CTU1: variants seen among roughly 807,000 people sequenced by gnomAD.
CTU1 encodes cytoplasmic tRNA 2-thiolation protein 1.
CTU1 carries 15 observed loss-of-function variants against 12.9 expected under a neutral mutation model. That is an observed-to-expected ratio of 1.16 (90% confidence interval 0.78 to 1.79). The LOEUF is 1.79. Among genes scored for constraint, CTU1 ranks in the 40% most tolerant of loss-of-function variants. CTU1 has a pLI of 0.00. For missense variants in CTU1, 553 were observed against 550.5 expected, an observed-to-expected ratio of 1.00 and a Z score of -0.05; for synonymous variants, 295 against 275.6, an observed-to-expected ratio of 1.07 and a Z score of -0.70.
chr19:51,101,734 T>A (rs559628554), intron 2 of CTU1, among the ~76,000 whole-genome samples: 1 of 152,334 alleles, frequency 6.6e-6, no homozygotes, highest in Admixed American at 6.5e-5. Context: ...TCTCGTTGAA[T>A]GTTTATTGAC....
At chr19:51,101,942 T>C (rs1437477978) in intron 2 of CTU1, among the ~76,000 whole-genome samples, 1 of 152,170 alleles carries the variant, frequency 6.6e-6, no homozygotes, top group Non-Finnish European at 1.5e-5. Context: ...TTCATTACTT[T>C]TGGAAGTACA....
At chr19:51,106,002 G>A (rs1427609346) in intron 1 of CTU1, among the ~76,000 whole-genome samples, 1 of 152,166 alleles carries the variant, frequency 6.6e-6, no homozygotes, top group Non-Finnish European at 1.5e-5. Flanking sequence ...GCTGCATGGG[G>A]CTCCCCACAG....
Position 51,098,398 on chromosome 19 carries a change from G to T in CTU1, c.*203C>A. 2.5e-6 allele frequency: 1 copy of T among 405,354 alleles called. No homozygotes were observed. The highest frequency in any genetic ancestry group is 4.1e-6 in the Non-Finnish European group (1 of 246,680). The allele number at this position is 405,354 out of a possible 1,614,324, so 25.1% of individuals were successfully genotyped here. A position where few individuals can be genotyped will look rare whatever the true frequency, so the allele number is the denominator to read the frequency against. ...TCCCCCAGCCCCCTCCTCCCTCAGAGCCTGAAGCCCAGTTCGAGACCCTTC... is the reference window on the plus strand; with the variant it reads ...TCCCCCAGCCCCCTCCTCCCTCAGATCCTGAAGCCCAGTTCGAGACCCTTC... On this transcript the variant is annotated 3_prime_UTR_variant, in exon 3 of 3. Coordinates refer to ENST00000421832, the MANE Select transcript of CTU1 (RefSeq NM_145232.4). This position sits in a 1 kb window ranked among gnomAD's most constrained non-coding sequence, Gnocchi z 4.3.
intron 2 of CTU1, among the ~76,000 whole-genome samples, chr19:51,100,718 G>T (rs1191500426): frequency 1.3e-5 from 2 of 152,176 alleles, no homozygotes; most frequent in African/African-American, 4.8e-5. Context: ...CCAGGAGAAA[G>T]GCAGCACTCT....
Position 51,104,587 on chromosome 19 carries a change from TCTC to T in CTU1, c.-21_-19del, listed in dbSNP as rs1158673677. The stretch of plus-strand genomic sequence containing the variant: ...GCGGGCATTGCGGGAGGGGTCGGCT[TCTC>T]CTAGACAGGGAGAGAGAGGAGGTGG... On this transcript the variant is annotated splice_region_variant and 5_prime_UTR_variant, in exon 2 of 3. Coordinates refer to ENST00000421832, the MANE Select transcript of CTU1 (RefSeq NM_145232.4). 4 of 1,241,252 alleles carry T rather than the reference TCTC, an allele frequency of 3.2e-6. No individual in the cohort carries two copies. The highest frequency in any genetic ancestry group is 4.2e-5 in the Admixed American group (1 of 23,632). 76.9% of individuals were successfully genotyped at this position (1,241,252 alleles called of 1,614,324 possible).
At chr19:51,100,133 C>T (rs1340109011) in intron 2 of CTU1, among the ~76,000 whole-genome samples, 1 of 152,068 alleles carries the variant, frequency 6.6e-6, no homozygotes, top group Non-Finnish European at 1.5e-5. Context: ...CACTGTGGTG[C>T]AGCTAGGTGG....
At position 51,098,941 on chromosome 19, in the gene CTU1, T is replaced by G. The variant is rs2091899579; in HGVS notation, c.707A>C (p.Glu236Ala). The G allele has an allele frequency of 1.3e-6, 2 of 1,540,570 alleles. No homozygotes were observed. The highest frequency in any genetic ancestry group is 1.7e-6 in the Non-Finnish European group (2 of 1,149,084). Residue 236 changes from glutamate (E) to alanine (A), a missense_variant, in exon 3 of 3, where the codon GAG (glutamate) becomes GCG (alanine). Glu to Ala is a moderately radical substitution (Grantham distance 107). Coordinates refer to ENST00000421832, the MANE Select transcript of CTU1 (RefSeq NM_145232.4). This position sits in a 1 kb window ranked among gnomAD's most constrained non-coding sequence, Gnocchi z 4.3. ...HFRRLDYFSE[E>A]CVYAPEAFRG... ...GAAGGCCTCGGGCGCGTAGACGCAC[T>G]CCTCGGAGAAGTAGTCGAGGCGGCG...
chr19:51,100,689 C>A (rs1743520552), intron 2 of CTU1, among the ~76,000 whole-genome samples: 2 of 152,170 alleles, frequency 1.3e-5, no homozygotes, highest in Admixed American at 6.5e-5. Flanking sequence ...AGGAAATGGA[C>A]CCCCTTGCCC....
intron 2 of CTU1, among the ~76,000 whole-genome samples, chr19:51,103,578 C>G (rs2122795586): frequency 1.0e-5 from 1 of 99,518 alleles, no homozygotes; most frequent in Non-Finnish European, 2.0e-5. Context: ...GAGCGAGACT[C>G]TGTCTCAAAA....
intron 1 of CTU1, among the ~76,000 whole-genome samples, chr19:51,106,949 G>A (rs190498878): frequency 2.0e-5 from 3 of 152,260 alleles, no homozygotes; most frequent in Admixed American, 1.3e-4. Flanking sequence ...TTCCTCGAAA[G>A]GCAGAAACCT....
rs963431157 is a variant in CTU1 at position 51,101,198 on chromosome 19, G to A, written c.509-2059C>T. ...TGAGCTCAAGTGATCCACCTGCCTC[G>A]GCCTCCCAAAGCGGCTGGGATTACT... On this transcript the variant is annotated intron_variant, in intron 2 of 2. Transcript: ENST00000421832. Among the ~76,000 whole-genome samples, 4 of 152,156 alleles carry A rather than the reference G, an allele frequency of 2.6e-5. No individual in the cohort carries two copies. The South Asian group carries it at 6.2e-4, about 24-fold the overall frequency.
Position 51,104,489 on chromosome 19 carries a change from A to G in CTU1, c.81T>C (p.Gly27=). The G allele has an allele frequency of 7.6e-7, 1 of 1,315,898 alleles. No homozygotes were observed. 81.5% of individuals were successfully genotyped at this position (1,315,898 alleles called of 1,614,324 possible). Residue 27 remains glycine, a synonymous_variant, in exon 2 of 3, where the codon GGT becomes GGC. Transcript: ENST00000421832. Reference sequence around the variant, plus strand: ...CCTCGAAGGCGGCGCAGAAGCAGGCACCGCACAGCGCTTGGCCCGAGAGCG... The same window carrying G: ...CCTCGAAGGCGGCGCAGAAGCAGGCGCCGCACAGCGCTTGGCCCGAGAGCG... ...RRPLSGQALC[G]ACFCAAFEAE...
intron 2 of CTU1, among the ~76,000 whole-genome samples, chr19:51,099,424 C>T (rs2091901908): frequency 6.6e-6 from 1 of 151,892 alleles, no homozygotes; most frequent in Admixed American, 6.6e-5. Context: ...GCAACCAGGA[C>T]GCAGAGAGAG....
rs1264531049 is a variant in CTU1 at position 51,098,966 on chromosome 19, G to A, written c.682C>T (p.Arg228Cys). The change falls in exon 3 of 3, where the codon CGC becomes TGC. Residue 228 changes from arginine to cysteine, a missense_variant. Arg to Cys is a radical substitution (Grantham distance 180). Coordinates refer to ENST00000421832, the MANE Select transcript of CTU1 (RefSeq NM_145232.4). This position sits in a 1 kb window ranked among gnomAD's most constrained non-coding sequence, Gnocchi z 4.3. ...TCCTCGGAGAAGTAGTCGAGGCGGCGGAAGTGCGCGTACAGCACCACCTCC... is the reference window on the plus strand; with the variant it reads ...TCCTCGGAGAAGTAGTCGAGGCGGCAGAAGTGCGCGTACAGCACCACCTCC... ...QKEVVLYAHF[R>C]RLDYFSEECV... 1.9e-6 allele frequency: 3 copies of A among 1,543,810 alleles called. No homozygotes were observed. Among genetic ancestry groups the A allele is most frequent in the East Asian group, 2.5e-5 (1 of 40,240 alleles).
At chr19:51,101,463 G>T (rs1040843356) in intron 2 of CTU1, among the ~76,000 whole-genome samples, 1 of 152,106 alleles carries the variant, frequency 6.6e-6, no homozygotes, top group African/African-American at 2.4e-5. Context: ...TCAGGTTGGG[G>T]GTGGGGCACT....
intron 1 of CTU1, among the ~76,000 whole-genome samples, chr19:51,105,803 T>C (rs1343101404): frequency 6.6e-6 from 1 of 152,320 alleles, no homozygotes; most frequent in East Asian, 1.9e-4. Flanking sequence ...GGACTGCTCT[T>C]TCTCTCACTG....
chr19:51,098,336 T>C lies in CTU1; in HGVS notation c.*265A>G, dbSNP rs1372805738. On this transcript the variant is annotated 3_prime_UTR_variant, in exon 3 of 3. Coordinates refer to ENST00000421832, the MANE Select transcript of CTU1 (RefSeq NM_145232.4). This position sits in a 1 kb window ranked among gnomAD's most constrained non-coding sequence, Gnocchi z 4.3. ...GTCCCCAGTCCCACTTCTTCTAGGC[T>C]TAGTCCTGGCCCTCTCCTCTCTCAG... The C allele has an allele frequency of 1.5e-5, 4 of 263,586 alleles. No individual in the cohort carries two copies. Among genetic ancestry groups the C allele is most frequent in the Admixed American group, 5.5e-5 (1 of 18,258 alleles). 16.3% of individuals were successfully genotyped at this position (263,586 alleles called of 1,614,324 possible).
chr19:51,104,322 T>G lies in CTU1; in HGVS notation c.248A>C (p.Gln83Pro), dbSNP rs2091914574. Residue 83 changes from glutamine to proline, a missense_variant, in exon 2 of 3, where the codon CAG (glutamine) becomes CCG (proline). Gln to Pro is a moderately conservative substitution (Grantham distance 76). Transcript: ENST00000421832. ...ALAPRLGISL[Q>P]LVAVDEGIGG... Reference sequence around the variant, plus strand: ...GATGCCCTCATCGACGGCCACGAGCTGCAGTGAGATGCCCAGGCGCGGCGC... The same window carrying G: ...GATGCCCTCATCGACGGCCACGAGCGGCAGTGAGATGCCCAGGCGCGGCGC... 12 of 1,484,604 alleles carry G rather than the reference T, an allele frequency of 8.1e-6. No homozygotes were observed. The highest frequency in any genetic ancestry group is 9.8e-6 in the Non-Finnish European group (11 of 1,122,224). The allele number at this position is 1,484,604 out of a possible 1,614,324, so 92.0% of individuals were successfully genotyped here.
chr19:51,098,564 C>T lies in CTU1; in HGVS notation c.*37G>A, dbSNP rs2091897055. ...AGTGTCATTTACAGGCAGCCCCCAC[C>T]CCGCGGCATCAGATCCCGGCGGGAG... On this transcript the variant is annotated 3_prime_UTR_variant, in exon 3 of 3. Coordinates refer to ENST00000421832, the MANE Select transcript of CTU1 (RefSeq NM_145232.4). The surrounding 1 kb of genome is among the most constrained non-coding windows in gnomAD (Gnocchi z 4.3). The T allele has an allele frequency of 4.0e-6, 5 of 1,245,268 alleles. No individual in the cohort carries two copies. The highest frequency in any genetic ancestry group is 5.0e-6 in the Non-Finnish European group (5 of 991,050). 77.1% of individuals were successfully genotyped at this position (1,245,268 alleles called of 1,614,324 possible).
Sources: gnomAD v4.1 joint callset for allele counts (sites outside exome capture counted in the v4.1 genomes callset) on GRCh38, gnomAD v4.1.1 for gene constraint, Gnocchi (gnomAD v3.1) non-coding constraint, MANE v1.5 for transcripts, NCBI Gene and HGNC (gene_info 2026-07-23, HGNC 2026-07-21) for gene names.